The following DNAH11 variants were observed in gnomAD, a reference collection of about 807,000 sequenced individuals.
DNAH11 encodes the protein axonemal beta dynein heavy chain 11.
A neutral mutation model predicts 526.0 loss-of-function variants in DNAH11; 442 were observed. That is an observed-to-expected ratio of 0.84 (90% CI 0.78 to 0.91). DNAH11 has a LOEUF of 0.91. DNAH11 is among the 40% of genes least tolerant of loss of function. The pLI, the probability that DNAH11 is intolerant of heterozygous loss-of-function variation, is 0.00. For synonymous variants in DNAH11, 2,461 were observed against 1,935.9 expected (o/e 1.27, Z -7.12); for missense variants, 6,989 against 5,448.7 (o/e 1.28, Z -8.90).
chr7:21,896,018 C>T (rs556601076), intron 79 of DNAH11, among the ~76,000 whole-genome samples: 36 of 152,280 alleles, frequency 2.4e-4, no homozygotes, highest in African/African-American at 5.3e-4. Context: ...CATGAGCCAC[C>T]GCGCCTGGCC....
chr7:21,786,235 G>A (rs1788178983), intron 58 of DNAH11, among the ~76,000 whole-genome samples: 1 of 152,022 alleles, frequency 6.6e-6, no homozygotes, highest in Admixed American at 6.6e-5. Context: ...TCTGGGAGGG[G>A]CTTGGTTAAG....
rs1454994196 is a variant in DNAH11 at position 21,637,710 on chromosome 7, T to A, written c.4817+8T>A. On this transcript the variant is annotated splice_region_variant and intron_variant, in intron 27 of 81. Transcript: ENST00000409508. ...TAAAGATTTACAGTCCAGGTAAGAA[T>A]AAAGCTATATAAGATAATCAATTTA... 19 of 1,485,886 alleles carry A rather than the reference T, an allele frequency of 1.3e-5. No individual in the cohort carries two copies. Among genetic ancestry groups the A allele is most frequent in the Non-Finnish European group, 1.7e-5 (19 of 1,097,482 alleles). The allele number at this position is 1,485,886 out of a possible 1,614,324, so 92.0% of individuals were successfully genotyped here.
In DNAH11 at chr7:21,653,208, C is replaced by T. The variant is rs186101066; in HGVS notation, c.4945-2624C>T. On this transcript the variant is annotated intron_variant, in intron 28 of 81. Coordinates refer to ENST00000409508, the MANE Select transcript of DNAH11 (RefSeq NM_001277115.2). ...TTCTTTTTAGTTGTAAAATGAAAGG[C>T]CTTTCCGAACAGCTCACTGGGAAGA... Among the ~76,000 whole-genome samples, 14 of 152,210 alleles carry T rather than the reference C, an allele frequency of 9.2e-5. No individual in the cohort carries two copies. In the East Asian group the frequency reaches 2.5e-3, roughly 27 times the overall value.
At chr7:21,632,191 A>G (rs1786647929) in intron 25 of DNAH11, among the ~76,000 whole-genome samples, 1 of 152,204 alleles carries the variant, frequency 6.6e-6, no homozygotes, top group African/African-American at 2.4e-5. Context: ...GTCTCTAGGT[A>G]GCACACAGCA....
Position 21,591,237 on chromosome 7 carries a change from C to T in DNAH11, c.2327C>T (p.Thr776Met), listed in dbSNP as rs764257309. 1.0e-5 allele frequency: 16 copies of T among 1,584,364 alleles called. No individual in the cohort carries two copies. The highest frequency in any genetic ancestry group is 2.3e-5 in the South Asian group (2 of 87,136). ...CAAGGGTATAATAAACTCAAACAGACGCTCCTGGAAGTTGAATACCCTCTG... is the reference window on the plus strand; with the variant it reads ...CAAGGGTATAATAAACTCAAACAGATGCTCCTGGAAGTTGAATACCCTCTG... ...LVQGYNKLKQ[T>M]LLEVEYPLIE... The change falls in exon 14 of 82, where the codon ACG (threonine) becomes ATG (methionine). Residue 776 changes from threonine to methionine, a missense_variant. Transcript: ENST00000409508.
chr7:21,871,811 A>G (rs185451771), intron 73 of DNAH11, among the ~76,000 whole-genome samples: 31 of 88,186 alleles, frequency 3.5e-4, no homozygotes, highest in African/African-American at 8.8e-4. Context: ...TCATAAAGAC[A>G]TCAGTCATAT....
At chr7:21,622,760 G>C (rs889644793) in intron 25 of DNAH11, among the ~76,000 whole-genome samples, 4 of 152,140 alleles carry the variant, frequency 2.6e-5, no homozygotes, top group Non-Finnish European at 5.9e-5. Context: ...AAACTGGCTA[G>C]CCATATGTAG....
chr7:21,576,963 A>G (rs1784121019), intron 8 of DNAH11, among the ~76,000 whole-genome samples: 1 of 152,202 alleles, frequency 6.6e-6, no homozygotes, highest in Non-Finnish European at 1.5e-5. Context: ...CAAAAAAAAC[A>G]CTGGCCATTA....
chr7:21,858,528 C>G (rs1248093104), intron 68 of DNAH11, among the ~76,000 whole-genome samples: 1 of 152,104 alleles, frequency 6.6e-6, no homozygotes, highest in African/African-American at 2.4e-5. Flanking sequence ...GGCTATTACT[C>G]AAAACATAAA....
chr7:21,706,137 A>G (rs904917957), intron 39 of DNAH11, among the ~76,000 whole-genome samples: 1 of 152,200 alleles, frequency 6.6e-6, no homozygotes, highest in African/African-American at 2.4e-5. Flanking sequence ...TGATGTACCT[A>G]TTATGTGCTG....
In DNAH11 at chr7:21,779,105, G is replaced by A. The variant is rs377682029; in HGVS notation, c.9483+1G>A. On this transcript the variant is annotated splice_donor_variant, in intron 57 of 81. Coordinates refer to ENST00000409508, the MANE Select transcript of DNAH11 (RefSeq NM_001277115.2). LOFTEE classifies it high-confidence loss of function. ...CATCGCTGATGCTGAGGAGCGAAAG[G>A]TCAGGCTAATTCCAACATTTAGAGT... is the stretch of plus-strand genomic sequence containing the variant. 3.1e-6 allele frequency: 5 copies of A among 1,611,372 alleles called. No individual in the cohort carries two copies. Among genetic ancestry groups the A allele is most frequent in the East Asian group, 2.2e-5 (1 of 44,796 alleles).
At position 21,647,026 on chromosome 7, in the gene DNAH11, C is replaced by A. The variant is rs573829035; in HGVS notation, c.4944+7961C>A. The stretch of plus-strand genomic sequence containing the variant: ...GAACTGACACAGATGATAGACTTAG[C>A]CAATAAGATATTAAAAGTAATTATA... On this transcript the variant is annotated intron_variant, in intron 28 of 81. Coordinates refer to ENST00000409508, the MANE Select transcript of DNAH11 (RefSeq NM_001277115.2). 4.6e-5 allele frequency among the ~76,000 whole-genome samples: 7 copies of A among 152,110 alleles called. No individual in the cohort carries two copies. In the South Asian group the frequency reaches 1.5e-3, roughly 32 times the overall value.
intron 28 of DNAH11, among the ~76,000 whole-genome samples, chr7:21,643,969 A>G (rs1787239489): frequency 2.6e-5 from 4 of 152,186 alleles, no homozygotes; most frequent in African/African-American, 7.2e-5. Flanking sequence ...TGAAGCCACA[A>G]TGCATTCTGT....
intron 65 of DNAH11, among the ~76,000 whole-genome samples, chr7:21,818,967 C>T (rs551825866): frequency 6.6e-6 from 1 of 152,092 alleles, no homozygotes; most frequent in Non-Finnish European, 1.5e-5. Flanking sequence ...CCAGAACATT[C>T]TCTCAGGGGC....
intron 62 of DNAH11, among the ~76,000 whole-genome samples, chr7:21,803,349 T>A (rs1271098280): frequency 1.3e-5 from 2 of 152,180 alleles, no homozygotes; most frequent in East Asian, 3.8e-4. Context: ...AGGCTCTTTG[T>A]TGCCCTCTGC....
intron 20 of DNAH11, among the ~76,000 whole-genome samples, chr7:21,611,430 C>G (rs1234435903): frequency 6.6e-6 from 1 of 152,154 alleles, no homozygotes; most frequent in Admixed American, 6.5e-5. Context: ...GACTTCTCAG[C>G]CTTCATAATC....
chr7:21,819,974 A>G (rs2128001622), intron 65 of DNAH11, among the ~76,000 whole-genome samples: 1 of 152,338 alleles, frequency 6.6e-6, no homozygotes, highest in South Asian at 2.1e-4. Context: ...TAAGAATGTA[A>G]CAAATGGTGC....
At position 21,858,604 on chromosome 7, in the gene DNAH11, A is replaced by G. The variant is rs114448668; in HGVS notation, c.11203-3249A>G. ...CCAAACGATTATGTTGAAAAGAAGC[A>G]GCCAGATACCGAGGAGTATATACCA... On this transcript the variant is annotated intron_variant, in intron 68 of 81. Coordinates refer to ENST00000409508, the MANE Select transcript of DNAH11 (RefSeq NM_001277115.2). Among the ~76,000 whole-genome samples, 831 of 152,350 alleles carry G rather than the reference A, an allele frequency of 5.5e-3. 6 individuals are homozygous for G. Among genetic ancestry groups the G allele is most frequent in the African/African-American group, 0.019 (789 of 41,576 alleles).
At chr7:21,706,149 G>C (rs1784253155) in intron 39 of DNAH11, among the ~76,000 whole-genome samples, 1 of 152,064 alleles carries the variant, frequency 6.6e-6, no homozygotes. Context: ...TATGTGCTGT[G>C]CTAGGTGCAT....
Sources: allele counts gnomAD v4.1 joint callset (sites outside exome capture counted in the v4.1 genomes callset), GRCh38; gene constraint gnomAD v4.1.1; transcripts MANE v1.5; gene names NCBI Gene and HGNC (gene_info 2026-07-23, HGNC 2026-07-21).